The following SRGAP2B variants were observed in gnomAD, a reference collection of about 807,000 sequenced individuals.
SRGAP2B encodes SLIT-ROBO Rho GTPase-activating protein 2B.
In SRGAP2B, 9 loss-of-function variants were observed where a neutral mutation model predicts 22.2. That is an observed-to-expected ratio of 0.41 (90% CI 0.24 to 0.71). The LOEUF (loss-of-function observed/expected upper bound fraction) is 0.71, where lower values mean the gene tolerates loss of function less well. Among genes scored for constraint, SRGAP2B ranks in the 30% least tolerant of loss-of-function variants. The pLI is 0.35. For missense variants in SRGAP2B, 114 were observed against 235.8 expected (o/e 0.48, Z 3.38); for synonymous variants, 36 against 87.4 (o/e 0.41, Z 3.28).
intron 2 of SRGAP2B, among the ~76,000 whole-genome samples, chr1:145,036,457 T>C (rs1429619382): frequency 6.0e-5 from 5 of 83,396 alleles, no homozygotes; most frequent in Non-Finnish European, 1.2e-4. Flanking sequence ...ATATTAATAG[T>C]ATCAGCTACC....
Position 144,975,996 on chromosome 1 carries a change from C to T in SRGAP2B, c.260+19012G>A, listed in dbSNP as rs587624774. ...TCACCCCATTCTCCTGCCTCAGCCT[C>T]CCCAGTAGCTGGGACCACAGGCGCC... On this transcript the variant is annotated intron_variant, in intron 3 of 9. Coordinates refer to ENST00000612199, the Ensembl canonical transcript of SRGAP2B. 7.5e-3 allele frequency among the ~76,000 whole-genome samples: 1,121 copies of T among 149,192 alleles called. 20 individuals carry two copies. Among genetic ancestry groups the T allele is most frequent in the Non-Finnish European group, 0.012 (817 of 67,684 alleles).
chr1:144,963,120 T>G (rs1164438539), intron 3 of SRGAP2B, among the ~76,000 whole-genome samples: 1 of 150,918 alleles, frequency 6.6e-6, no homozygotes, highest in Non-Finnish European at 1.5e-5. Context: ...GGACCTTCCC[T>G]TTGTTTACAT....
chr1:145,051,588 AAT>A (rs1650197998), intron 2 of SRGAP2B, among the ~76,000 whole-genome samples: 1 of 98,690 alleles, frequency 1.0e-5, no homozygotes, highest in Non-Finnish European at 1.9e-5. Context: ...TCACATATAT[AAT>A]TACTATATTC....
rs587694927 is a variant in SRGAP2B at position 144,920,150 on chromosome 1, A to G, written c.424-5396T>C. Among the ~76,000 whole-genome samples, 23 of 151,114 alleles carry G rather than the reference A, an allele frequency of 1.5e-4. 1 individual carries two copies. In the East Asian group the frequency reaches 4.3e-3, roughly 28 times the overall value. On this transcript the variant is annotated intron_variant, in intron 4 of 9. Transcript: ENST00000612199. The stretch of plus-strand genomic sequence containing the variant: ...CTGATTGGTGCATTTACAATCCTCT[A>G]GCTAGACAGAAAAGTTCTCCAAGTC...
chr1:145,065,173 C>T (rs1427119272), intron 2 of SRGAP2B, among the ~76,000 whole-genome samples: 1 of 151,944 alleles, frequency 6.6e-6, no homozygotes, highest in Non-Finnish European at 1.5e-5. Context: ...GTCTAGGACC[C>T]GATCTGCTAT....
intron 2 of SRGAP2B, among the ~76,000 whole-genome samples, chr1:145,002,930 T>C (rs1312137564): frequency 6.7e-6 from 1 of 148,814 alleles, no homozygotes; most frequent in Admixed American, 6.7e-5. Context: ...TCTAAACTTC[T>C]TGAAAAGAAG....
chr1:145,066,629 A>G (rs1289031627), intron 2 of SRGAP2B, among the ~76,000 whole-genome samples: 1 of 151,342 alleles, frequency 6.6e-6, no homozygotes, highest in Non-Finnish European at 1.5e-5. Context: ...CCTCTCCACT[A>G]TGTAAACGTA....
At chr1:144,995,985 G>A in intron 2 of SRGAP2B, among the ~76,000 whole-genome samples, 1 of 150,152 alleles carries the variant, frequency 6.7e-6, no homozygotes, top group Admixed American at 6.6e-5. Flanking sequence ...CATAGATGCT[G>A]TAGTGCCTCT....
At position 144,998,856 on chromosome 1, in the gene SRGAP2B, C is replaced by T. The variant is rs1194079366; in HGVS notation, c.68-3656G>A. On this transcript the variant is annotated intron_variant, in intron 2 of 9. Transcript: ENST00000612199. Reference sequence around the variant, plus strand: ...CTCCTACAAAGACAAACAATGGTCCCCAAGAAGGCAGCTATGCTGGCCCCA... The same window carrying T: ...CTCCTACAAAGACAAACAATGGTCCTCAAGAAGGCAGCTATGCTGGCCCCA... 8.6e-5 allele frequency among the ~76,000 whole-genome samples: 13 copies of T among 151,010 alleles called. 1 individual carries two copies. Among genetic ancestry groups the T allele is most frequent in the African/African-American group, 3.0e-4 (12 of 40,496 alleles).
chr1:144,904,389 A>G (rs1462412711), intron 7 of SRGAP2B, among the ~76,000 whole-genome samples: 1 of 95,720 alleles, frequency 1.0e-5, no homozygotes, highest in African/African-American at 4.7e-5. Context: ...CTGATGTAAT[A>G]AAGTATTTCC....
chr1:145,030,256 T>C (rs1281328223), intron 2 of SRGAP2B, among the ~76,000 whole-genome samples: 1 of 149,746 alleles, frequency 6.7e-6, no homozygotes, highest in Non-Finnish European at 1.5e-5. Context: ...TTTTATTGGC[T>C]TTATTTCTAT....
At chr1:145,064,445 G>A (rs1242154055) in intron 2 of SRGAP2B, among the ~76,000 whole-genome samples, 1 of 147,438 alleles carries the variant, frequency 6.8e-6, no homozygotes, top group Admixed American at 6.7e-5. Context: ...AGACACTGGG[G>A]AGTACAGGGC....
intron 2 of SRGAP2B, among the ~76,000 whole-genome samples, chr1:145,084,361 G>A (rs1553635125): frequency 1.4e-5 from 2 of 141,318 alleles, no homozygotes; most frequent in African/African-American, 5.4e-5. Context: ...GAAGATACGG[G>A]ACTGCGCAGC....
intron 4 of SRGAP2B, among the ~76,000 whole-genome samples, chr1:144,927,045 C>G (rs373194648): frequency 7.1e-6 from 1 of 139,874 alleles, no homozygotes; most frequent in Non-Finnish European, 1.5e-5. Context: ...TGCCTCCCGG[C>G]TTCACGCCAT....
Position 144,943,926 on chromosome 1 carries a change from A to G in SRGAP2B, c.423+11513T>C, listed in dbSNP as rs587643404. ...TTAGGTGCTGCCCACTGTAAGGAAG[A>G]TAGAATTTGGCATTCAAAGCCTGCC... is the stretch of plus-strand genomic sequence containing the variant. On this transcript the variant is annotated intron_variant, in intron 4 of 9. Transcript: ENST00000612199. Among the ~76,000 whole-genome samples, 5 of 150,794 alleles carry G rather than the reference A, an allele frequency of 3.3e-5. 1 individual carries two copies. Among genetic ancestry groups the G allele is most frequent in the African/African-American group, 1.2e-4 (5 of 40,314 alleles).
chr1:144,944,636 G>C (rs1364622864), intron 4 of SRGAP2B, among the ~76,000 whole-genome samples: 1 of 147,328 alleles, frequency 6.8e-6, no homozygotes, highest in Non-Finnish European at 1.5e-5. Context: ...AAAATTCATT[G>C]GATGGCATTT....
chr1:145,044,092 C>T (rs1649469308), intron 2 of SRGAP2B, among the ~76,000 whole-genome samples: 1 of 40,496 alleles, frequency 2.5e-5, no homozygotes, highest in African/African-American at 1.4e-4. Context: ...AGAGGAGGTT[C>T]ACAAAAGTAA....
chr1:144,929,478 T>G (rs1361704775), intron 4 of SRGAP2B, among the ~76,000 whole-genome samples: 1 of 150,968 alleles, frequency 6.6e-6, no homozygotes, highest in Non-Finnish European at 1.5e-5. Context: ...GAGTTAATTT[T>G]TTTATTATTT....
intron 2 of SRGAP2B, among the ~76,000 whole-genome samples, chr1:145,073,159 G>C (rs1405008002): frequency 6.6e-6 from 1 of 150,544 alleles, no homozygotes; most frequent in Non-Finnish European, 1.5e-5. Context: ...ATTTCTGAAA[G>C]TGAAAGGTAA....
Sources: gnomAD v4.1 joint callset for allele counts (sites outside exome capture counted in the v4.1 genomes callset) on GRCh38, gnomAD v4.1.1 for gene constraint, MANE v1.5 for transcripts, NCBI Gene and HGNC (gene_info 2026-07-23, HGNC 2026-07-21) for gene names.